TNFSF13: variants seen among roughly 807,000 people sequenced by gnomAD.
TNFSF13 encodes tumor necrosis factor ligand superfamily member 13.
A neutral mutation model predicts 30.7 loss-of-function variants in TNFSF13; 18 were observed. The observed-to-expected ratio is 0.59, with a 90% CI of 0.41 to 0.87. TNFSF13 has a LOEUF of 0.87. Ranked by LOEUF, TNFSF13 falls within the 40% of genes least tolerant of loss-of-function variation. The pLI is 0.00. For missense variants in TNFSF13, 286 were observed against 308.8 expected, an observed-to-expected ratio of 0.93 and a Z score of 0.55; for synonymous variants, 116 against 123.2, an observed-to-expected ratio of 0.94 and a Z score of 0.39.
rs2150913213 is a variant in TNFSF13, at chr17:7,559,964, A to G, written c.385+71A>G. The G allele has an allele frequency of 3.1e-6, 5 of 1,613,646 alleles. No homozygotes were observed. The East Asian group carries it at 1.1e-4, about 36-fold the overall frequency. ...GGAACTCGGGCTGGCACTTGGGCTCAAGGGGTCCTTATAGGTGAAAGGGAA... is the reference window on the plus strand; with the variant it reads ...GGAACTCGGGCTGGCACTTGGGCTCGAGGGGTCCTTATAGGTGAAAGGGAA... On this transcript the variant is annotated intron_variant, in intron 3 of 5. Coordinates refer to ENST00000338784, the MANE Select transcript of TNFSF13 (RefSeq NM_003808.4). The surrounding 1 kb of genome is among the most constrained non-coding windows in gnomAD (Gnocchi z 5.4).
Position 7,558,892 on chromosome 17 carries a change from C to T in TNFSF13, c.-148C>T. ...AGTACCCTTAGCTTGCTTTCCTCCT[C>T]CCTCCTTTTTATTTTCAAGTTCCTT... On this transcript the variant is annotated 5_prime_UTR_variant, in exon 1 of 6. Coordinates refer to ENST00000338784, the MANE Select transcript of TNFSF13 (RefSeq NM_003808.4). This position sits in a 1 kb window ranked among gnomAD's most constrained non-coding sequence, Gnocchi z 4.3. 4.9e-6 allele frequency: 5 copies of T among 1,010,894 alleles called. No individual in the cohort carries two copies. Among genetic ancestry groups the T allele is most frequent in the Non-Finnish European group, 6.8e-6 (5 of 732,660 alleles). The allele number at this position is 1,010,894 out of a possible 1,614,324, so 62.6% of individuals were successfully genotyped here.
At position 7,560,376 on chromosome 17, in the gene TNFSF13, C is replaced by G. The variant is rs753933198; in HGVS notation, c.531C>G (p.Thr177=). The G allele has an allele frequency of 6.2e-7, 1 of 1,614,194 alleles. No homozygotes were observed. The highest frequency in any genetic ancestry group is 8.5e-7 in the Non-Finnish European group (1 of 1,180,046). The part of the protein sequence containing the change: ...SQVLFQDVTF[T]MGQVVSREGQ... ...TCCTGTTTCAAGACGTGACTTTCAC[C>G]ATGGGTCAGGTGGTGTCTCGAGAAG... The change falls in exon 5 of 6, where the codon ACC becomes ACG. Residue 177 remains threonine, a synonymous_variant. Coordinates refer to ENST00000338784, the MANE Select transcript of TNFSF13 (RefSeq NM_003808.4).
chr17:7,559,836 C>G lies in TNFSF13; in HGVS notation c.338-10C>G, dbSNP rs762086434. On this transcript the variant is annotated splice_polypyrimidine_tract_variant and intron_variant, in intron 2 of 5. Coordinates refer to ENST00000338784, the MANE Select transcript of TNFSF13 (RefSeq NM_003808.4). This position sits in a 1 kb window ranked among gnomAD's most constrained non-coding sequence, Gnocchi z 5.4. ...TGGATGCGGCTGAGATTCCCTCCTT[C>G]TCTCCTCAGAGCAGCACTCTGTCCT... 3 of 1,614,112 alleles carry G rather than the reference C, an allele frequency of 1.9e-6. No individual in the cohort carries two copies. The South Asian group carries it at 3.3e-5, about 18-fold the overall frequency.
chr17:7,558,877 G>A lies in TNFSF13; in HGVS notation c.-163G>A, dbSNP rs2071116431. On this transcript the variant is annotated 5_prime_UTR_variant, in exon 1 of 6. Coordinates refer to ENST00000338784, the MANE Select transcript of TNFSF13 (RefSeq NM_003808.4). This position sits in a 1 kb window ranked among gnomAD's most constrained non-coding sequence, Gnocchi z 4.3. ...GCCAGGAGCACTAACAGTACCCTTAGCTTGCTTTCCTCCTCCCTCCTTTTT... is the reference window on the plus strand; with the variant it reads ...GCCAGGAGCACTAACAGTACCCTTAACTTGCTTTCCTCCTCCCTCCTTTTT... 1.8e-5 allele frequency: 16 copies of A among 872,200 alleles called. No individual in the cohort carries two copies. The highest frequency in any genetic ancestry group is 2.5e-5 in the Non-Finnish European group (15 of 610,432). 54.0% of individuals were successfully genotyped at this position (872,200 alleles called of 1,614,324 possible).
Position 7,560,808 on chromosome 17 carries a change from C to A in TNFSF13, c.728C>A (p.Thr243Asn), listed in dbSNP as rs759733918. 1.2e-6 allele frequency: 2 copies of A among 1,613,982 alleles called. No individual in the cohort carries two copies. The highest frequency in any genetic ancestry group is 1.7e-6 in the Non-Finnish European group (2 of 1,179,992). The change falls in exon 6 of 6, where the codon ACC becomes AAC. Residue 243 changes from threonine (T) to asparagine (N), a missense_variant. Thr to Asn is a moderately conservative substitution (Grantham distance 65, BLOSUM62 0). Transcript: ENST00000338784. ...AAACTTAACCTCTCTCCACATGGAA[C>A]CTTCCTGGGGTTTGTGAAACTGTGA... ...RAKLNLSPHG[T>N]FLGFVKL
Position 7,560,123 on chromosome 17 carries a change from G to A in TNFSF13, c.460G>A (p.Gly154Ser). 6.2e-7 allele frequency: 1 copy of A among 1,614,152 alleles called. No homozygotes were observed. Among genetic ancestry groups the A allele is most frequent in the Non-Finnish European group, 8.5e-7 (1 of 1,180,018 alleles). The change falls in exon 4 of 6, where the codon GGT becomes AGT. Residue 154 changes from glycine to serine, a missense_variant. Gly to Ser is a moderately conservative substitution (Grantham distance 56). Transcript: ENST00000338784. ...GAGAGGCCTACAGGCCCAAGGATATGGTGTCCGAATCCAGGATGCTGGAGT... is the reference window on the plus strand; with the variant it reads ...GAGAGGCCTACAGGCCCAAGGATATAGTGTCCGAATCCAGGATGCTGGAGT... ...RGRGLQAQGY[G>S]VRIQDAGVYL...
At position 7,560,501 on chromosome 17, in the gene TNFSF13, TG is replaced by T. The variant is rs764234006; in HGVS notation, c.643+16del. On this transcript the variant is annotated intron_variant, in intron 5 of 5. Coordinates refer to ENST00000338784, the MANE Select transcript of TNFSF13 (RefSeq NM_003808.4). ...TGCTATAGCGCAGGTGAGAGCCGTGTGGGCAGCCGAAAGCAGGACGTCTCTG... is the reference window on the plus strand; with the variant it reads ...TGCTATAGCGCAGGTGAGAGCCGTGTGGCAGCCGAAAGCAGGACGTCTCTG... 2.5e-6 allele frequency: 4 copies of T among 1,614,032 alleles called. No homozygotes were observed. Among genetic ancestry groups the T allele is most frequent in the Non-Finnish European group, 3.4e-6 (4 of 1,179,954 alleles).
Position 7,561,127 on chromosome 17 carries a change from C to A in TNFSF13, c.*294C>A, listed in dbSNP as rs1440142257. 2 of 1,477,600 alleles carry A rather than the reference C, an allele frequency of 1.4e-6. No homozygotes were observed. The highest frequency in any genetic ancestry group is 1.2e-5 in the South Asian group (1 of 84,750). 91.5% of individuals were successfully genotyped at this position (1,477,600 alleles called of 1,614,324 possible). On this transcript the variant is annotated 3_prime_UTR_variant, in exon 6 of 6. Coordinates refer to ENST00000338784, the MANE Select transcript of TNFSF13 (RefSeq NM_003808.4). The surrounding 1 kb of genome is among the most constrained non-coding windows in gnomAD (Gnocchi z 4.4). ...CTGGTCGGGGCCCACTGGAAGCATC[C>A]AGAACAGCACCACCATCTAGCGGCC...
rs2071196842 is a variant in TNFSF13 at position 7,561,146 on chromosome 17, A to G, written c.*313A>G. ...AGCATCCAGAACAGCACCACCATCTAGCGGCCGCTCGAGGGAAGCACCCGC... is the reference window on the plus strand; with the variant it reads ...AGCATCCAGAACAGCACCACCATCTGGCGGCCGCTCGAGGGAAGCACCCGC... On this transcript the variant is annotated 3_prime_UTR_variant, in exon 6 of 6. Coordinates refer to ENST00000338784, the MANE Select transcript of TNFSF13 (RefSeq NM_003808.4). This position sits in a 1 kb window ranked among gnomAD's most constrained non-coding sequence, Gnocchi z 4.4. 3 of 1,384,254 alleles carry G rather than the reference A, an allele frequency of 2.2e-6. No individual in the cohort carries two copies. Among genetic ancestry groups the G allele is most frequent in the Non-Finnish European group, 3.0e-6 (3 of 1,006,748 alleles). The allele number at this position is 1,384,254 out of a possible 1,614,324, so 85.7% of individuals were successfully genotyped here.
Position 7,560,066 on chromosome 17 carries a change from G to A in TNFSF13, c.403G>A (p.Glu135Lys). ...ATSKDDSDVTEVMWQPALRRG... is the reference protein window; with the variant it reads ...ATSKDDSDVTKVMWQPALRRG... ...ACCTCCAGATGACTCCGATGTGACA[G>A]AGGTGATGTGGCAACCAGCTCTTAG... Residue 135 changes from glutamate to lysine, a missense_variant, in exon 4 of 6, where the codon GAG becomes AAG. By Grantham distance (56) the Glu-to-Lys change is moderately conservative (BLOSUM62 1). Coordinates refer to ENST00000338784, the MANE Select transcript of TNFSF13 (RefSeq NM_003808.4). The A allele has an allele frequency of 6.2e-7, 1 of 1,614,186 alleles. No homozygotes were observed. Among genetic ancestry groups the A allele is most frequent in the Non-Finnish European group, 8.5e-7 (1 of 1,180,030 alleles).
At position 7,559,315 on chromosome 17, in the gene TNFSF13, G is replaced by C; in HGVS notation, c.258+18G>C. The C allele has an allele frequency of 6.3e-7, 1 of 1,581,948 alleles. No homozygotes were observed. Among genetic ancestry groups the C allele is most frequent in the Non-Finnish European group, 8.6e-7 (1 of 1,161,636 alleles). On this transcript the variant is annotated intron_variant, in intron 1 of 5. Coordinates refer to ENST00000338784, the MANE Select transcript of TNFSF13 (RefSeq NM_003808.4). This position sits in a 1 kb window ranked among gnomAD's most constrained non-coding sequence, Gnocchi z 5.4. ...CGGAGCAGGTGAGTGAGGGGAGGAG[G>C]GTGTCTGGGAGAGGATGGTTAGCAT...
chr17:7,559,247 G>T lies in TNFSF13; in HGVS notation c.208G>T (p.Gly70Cys), dbSNP rs761648203. ...REVSRLQGTG[G>C]PSQNGEGYPW... ...GGTGAGCCGGCTGCAGGGGACAGGAGGCCCCTCCCAGAATGGGGAAGGGTA... is the reference window on the plus strand; with the variant it reads ...GGTGAGCCGGCTGCAGGGGACAGGATGCCCCTCCCAGAATGGGGAAGGGTA... Residue 70 changes from glycine to cysteine, a missense_variant, in exon 1 of 6, where the codon GGC becomes TGC. Physicochemically the swap from Gly to Cys is radical, Grantham distance 159 (BLOSUM62 -3). Transcript: ENST00000338784. The surrounding 1 kb of genome is among the most constrained non-coding windows in gnomAD (Gnocchi z 5.4). 1 of 1,609,914 alleles carries T rather than the reference G, an allele frequency of 6.2e-7. No homozygotes were observed. Among genetic ancestry groups the T allele is most frequent in the South Asian group, 1.1e-5 (1 of 90,768 alleles).
Position 7,560,356 on chromosome 17 carries a change from T to G in TNFSF13, c.511T>G (p.Phe171Val). Residue 171 changes from phenylalanine to valine, a missense_variant, in exon 5 of 6, where the codon TTT becomes GTT. Physicochemically the swap from Phe to Val is conservative, Grantham distance 50. Coordinates refer to ENST00000338784, the MANE Select transcript of TNFSF13 (RefSeq NM_003808.4). Reference protein sequence around the residue: ...GVYLLYSQVLFQDVTFTMGQV... With the variant: ...GVYLLYSQVLVQDVTFTMGQV... ...CATCTCCCTTCCCTGCCAGGTCCTG[T>G]TTCAAGACGTGACTTTCACCATGGG... 6.2e-7 allele frequency: 1 copy of G among 1,614,136 alleles called. No individual in the cohort carries two copies. The highest frequency in any genetic ancestry group is 1.1e-5 in the South Asian group (1 of 91,084).
chr17:7,559,348 C>A lies in TNFSF13; in HGVS notation c.258+51C>A. On this transcript the variant is annotated intron_variant, in intron 1 of 5. Coordinates refer to ENST00000338784, the MANE Select transcript of TNFSF13 (RefSeq NM_003808.4). The surrounding 1 kb of genome is among the most constrained non-coding windows in gnomAD (Gnocchi z 5.4). Reference sequence around the variant, plus strand: ...GGAGAGGATGGTTAGCATGGGGGGTCTCTGGGCCTCCTGGTCTGCAAAGTT... The same window carrying A: ...GGAGAGGATGGTTAGCATGGGGGGTATCTGGGCCTCCTGGTCTGCAAAGTT... The A allele has an allele frequency of 6.6e-7, 1 of 1,519,492 alleles. No homozygotes were observed. The highest frequency in any genetic ancestry group is 1.3e-5 in the South Asian group (1 of 78,052). The allele number at this position is 1,519,492 out of a possible 1,614,324, so 94.1% of individuals were successfully genotyped here. A position where few individuals can be genotyped will look rare whatever the true frequency, so the allele number is the denominator to read the frequency against.
In TNFSF13 at chr17:7,560,343, C is replaced by T. The variant is rs1359932357; in HGVS notation, c.505-7C>T. The T allele has an allele frequency of 6.2e-7, 1 of 1,614,188 alleles. No homozygotes were observed. The highest frequency in any genetic ancestry group is 1.1e-5 in the South Asian group (1 of 91,078). On this transcript the variant is annotated splice_polypyrimidine_tract_variant and splice_region_variant and intron_variant, in intron 4 of 5. Transcript: ENST00000338784. ...CTGTTTTCTTCAACATCTCCCTTCCCTGCCAGGTCCTGTTTCAAGACGTGA... is the reference window on the plus strand; with the variant it reads ...CTGTTTTCTTCAACATCTCCCTTCCTTGCCAGGTCCTGTTTCAAGACGTGA...
chr17:7,560,260 C>T, intron 4 of TNFSF13, 90 bp from the exon 5 acceptor site: 1 of 1,610,628 alleles, frequency 6.2e-7, no homozygotes, highest in Non-Finnish European at 8.5e-7. Context: ...ACCCAGCAGA[C>T]CCTTCTTTCT....
At position 7,561,473 on chromosome 17, in the gene TNFSF13, C is replaced by T. The variant is rs1247082339; in HGVS notation, c.*640C>T. On this transcript the variant is annotated 3_prime_UTR_variant, in exon 6 of 6. Transcript: ENST00000338784. The surrounding 1 kb of genome is among the most constrained non-coding windows in gnomAD (Gnocchi z 4.4). ...CGTGGCAGGCCATTCCAAGCCCTTC[C>T]GGGCTGGAACTGGTGTCGGAGGAGC... 4.8e-6 allele frequency: 1 copy of T among 207,584 alleles called. No individual in the cohort carries two copies. Among genetic ancestry groups the T allele is most frequent in the East Asian group, 1.4e-4 (1 of 6,952 alleles). The allele number at this position is 207,584 out of a possible 1,614,324, so 12.9% of individuals were successfully genotyped here.
At position 7,560,591 on chromosome 17, in the gene TNFSF13, G is replaced by A. The variant is rs538352009; in HGVS notation, c.643+103G>A. 6.8e-6 allele frequency: 11 copies of A among 1,608,716 alleles called. No individual in the cohort carries two copies. In the Admixed American group the frequency reaches 1.8e-4, roughly 27 times the overall value. Reference sequence around the variant, plus strand: ...AGGTTGGAAACCTAAACAGAGGCGGGTCTGAGGAGTGAAGTGCAGAATGCC... The same window carrying A: ...AGGTTGGAAACCTAAACAGAGGCGGATCTGAGGAGTGAAGTGCAGAATGCC... On this transcript the variant is annotated intron_variant, in intron 5 of 5. Transcript: ENST00000338784.
chr17:7,559,585 C>T lies in TNFSF13; in HGVS notation c.259-39C>T, dbSNP rs373252693. 1.0e-5 allele frequency: 16 copies of T among 1,604,404 alleles called. No individual in the cohort carries two copies. Among genetic ancestry groups the T allele is most frequent in the African/African-American group, 5.4e-5 (4 of 74,740 alleles). Reference sequence around the variant, plus strand: ...GGGAAGGCAGGCTGGCTGGGACCCTCGCATCTTAACCTAACCTTGACCCTC... The same window carrying T: ...GGGAAGGCAGGCTGGCTGGGACCCTTGCATCTTAACCTAACCTTGACCCTC... On this transcript the variant is annotated intron_variant, in intron 1 of 5. Transcript: ENST00000338784. The surrounding 1 kb of genome is among the most constrained non-coding windows in gnomAD (Gnocchi z 5.4).
Sources: gnomAD v4.1 joint callset for allele counts on GRCh38, gnomAD v4.1.1 for gene constraint, Gnocchi (gnomAD v3.1) non-coding constraint, MANE v1.5 for transcripts, NCBI Gene and HGNC (gene_info 2026-07-23, HGNC 2026-07-21) for gene names.